Variants in MYRFL observed in about 807,000 individuals in gnomAD.
The protein encoded by MYRFL is myelin regulatory factor like.
MYRFL carries 88 observed loss-of-function variants against 109.4 expected under a neutral mutation model. The ratio of observed to expected loss-of-function variants is 0.80; its 90% CI spans 0.68 to 0.96. MYRFL has a LOEUF of 0.96. Ranked by LOEUF, MYRFL falls within the 40% of genes least tolerant of loss-of-function variation. The pLI is 0.00. For missense variants in MYRFL, 957 were observed against 954.9 expected, an observed-to-expected ratio of 1.00 and a Z score of -0.03; for synonymous variants, 324 against 320.9, an observed-to-expected ratio of 1.01 and a Z score of -0.10.
intron 2 of MYRFL, among the ~76,000 whole-genome samples, chr12:69,855,793 T>G (rs1884241525): frequency 6.6e-6 from 1 of 152,196 alleles, no homozygotes; most frequent in Admixed American, 6.5e-5. Flanking sequence ...CTTTTTTTTT[T>G]TCTTGGTTAA....
In MYRFL at chr12:69,855,324, A is replaced by G. The variant is rs1339772399; in HGVS notation, c.91A>G (p.Ser31Gly). Residue 31 changes from serine (S) to glycine (G), a missense_variant, in exon 2 of 25, where the codon AGT becomes GGT. Ser to Gly is a moderately conservative substitution (Grantham distance 56, BLOSUM62 0). Transcript: ENST00000552032. ...TCTGGAGAACCCAGCCCTGGACACAAGTCTGTTGGAGGAATTTCTGGGCAA... is the reference window on the plus strand; with the variant it reads ...TCTGGAGAACCCAGCCCTGGACACAGGTCTGTTGGAGGAATTTCTGGGCAA... ...GTLENPALDT[S>G]LLEEFLGNDF... is the part of the protein sequence containing the mutation. 1 of 702,738 alleles carries G rather than the reference A, an allele frequency of 1.4e-6. No homozygotes were observed. Among genetic ancestry groups the G allele is most frequent in the Admixed American group, 2.0e-5 (1 of 50,006 alleles). 43.5% of individuals were successfully genotyped at this position (702,738 alleles called of 1,614,324 possible). A position where few individuals can be genotyped will look rare whatever the true frequency, so the allele number is the denominator to read the frequency against.
At chr12:69,849,976 C>T in intron 1 of MYRFL, among the ~76,000 whole-genome samples, 1 of 152,150 alleles carries the variant, frequency 6.6e-6, no homozygotes, top group East Asian at 1.9e-4. Context: ...CATCTTGTAG[C>T]TCCCATAATT....
At chr12:69,945,852 T>G (rs1955817944) in intron 19 of MYRFL, among the ~76,000 whole-genome samples, 3 of 148,720 alleles carry the variant, frequency 2.0e-5, no homozygotes, top group Non-Finnish European at 4.5e-5. Context: ...CCGGGCGTAG[T>G]GGCGGGCGCC....
chr12:69,898,642 A>G (rs1387347391), intron 10 of MYRFL, among the ~76,000 whole-genome samples: 1 of 152,254 alleles, frequency 6.6e-6, no homozygotes, highest in Non-Finnish European at 1.5e-5. Flanking sequence ...CTTAGGAAGG[A>G]ATAGAGACAG....
intron 2 of MYRFL, among the ~76,000 whole-genome samples, chr12:69,870,253 T>C (rs1443290088): frequency 2.1e-5 from 3 of 141,954 alleles, no homozygotes; most frequent in Admixed American, 1.4e-4. Flanking sequence ...TTTTTTGGTA[T>C]CTTTAGTGAA....
At chr12:69,885,463 G>A (rs1041207917) in intron 5 of MYRFL, among the ~76,000 whole-genome samples, 1 of 152,172 alleles carries the variant, frequency 6.6e-6, no homozygotes, top group Admixed American at 6.5e-5. Flanking sequence ...TCTCCAAGCT[G>A]TGGGCTAGGT....
intron 2 of MYRFL, among the ~76,000 whole-genome samples, chr12:69,862,235 C>G (rs1884726610): frequency 2.0e-5 from 3 of 150,408 alleles, no homozygotes; most frequent in South Asian, 2.1e-4. Flanking sequence ...AATGCAGGCT[C>G]TTTTTTGGTT....
At chr12:69,947,044 G>A in intron 19 of MYRFL, 1 of 152,232 alleles carries the variant, frequency 6.6e-6, no homozygotes, top group Non-Finnish European at 1.5e-5. Flanking sequence ...TTCTGCTGCT[G>A]GTTTACTCTT....
intron 16 of MYRFL, among the ~76,000 whole-genome samples, chr12:69,933,062 A>G (rs1955320155): frequency 6.6e-6 from 1 of 152,204 alleles, no homozygotes; most frequent in East Asian, 1.9e-4. Flanking sequence ...TTCAGTGAAG[A>G]CTTTTCACCA....
intron 10 of MYRFL, among the ~76,000 whole-genome samples, chr12:69,898,228 CA>C (rs1954065448): frequency 1.3e-5 from 2 of 152,194 alleles, no homozygotes; most frequent in African/African-American, 4.8e-5. Flanking sequence ...TGTTCTGAAA[CA>C]AAGGGACCTC....
chr12:69,914,571 C>T (rs763726582), intron 13 of MYRFL, among the ~76,000 whole-genome samples: 2 of 152,118 alleles, frequency 1.3e-5, no homozygotes, highest in African/African-American at 2.4e-5. Context: ...CCCTTGTTTC[C>T]AGTATTTTCC....
At chr12:69,831,068 A>G (rs1432058979) in intron 1 of MYRFL, among the ~76,000 whole-genome samples, 1 of 152,192 alleles carries the variant, frequency 6.6e-6, no homozygotes, top group African/African-American at 2.4e-5. Flanking sequence ...ATTTAGTGCT[A>G]ACTGTGTTCA....
chr12:69,928,763 C>T (rs1955178428), intron 15 of MYRFL, among the ~76,000 whole-genome samples: 1 of 152,116 alleles, frequency 6.6e-6, no homozygotes, highest in Non-Finnish European at 1.5e-5. Flanking sequence ...ATTAGGGGAG[C>T]TAAAGCTCTT....
chr12:69,901,918 G>T (rs1954206054), intron 10 of MYRFL, among the ~76,000 whole-genome samples: 1 of 135,636 alleles, frequency 7.4e-6, no homozygotes, highest in South Asian at 2.4e-4. Flanking sequence ...TCTTGAGACA[G>T]AGTATTGCTC....
At chr12:69,832,877 G>T (rs11177889) in intron 1 of MYRFL, among the ~76,000 whole-genome samples, 16,334 of 151,902 alleles carry the variant, frequency 0.11, 1,213 homozygotes, top group Middle Eastern at 0.18. Context: ...TGATGCCTAG[G>T]TGTTGGTGTC....
chr12:69,857,462 C>T (rs1884367227), intron 2 of MYRFL, among the ~76,000 whole-genome samples: 1 of 151,750 alleles, frequency 6.6e-6, no homozygotes, highest in Non-Finnish European at 1.5e-5. Context: ...TTTTATTAAA[C>T]CTAGTGATCT....
At chr12:69,877,314 C>T (rs1267856669) in intron 2 of MYRFL, among the ~76,000 whole-genome samples, 5 of 152,256 alleles carry the variant, frequency 3.3e-5, no homozygotes, top group Non-Finnish European at 7.4e-5. Flanking sequence ...TGAGCCACCG[C>T]GCCAGGCCTC....
chr12:69,958,147 C>T (rs1956134942), intron 23 of MYRFL, 102 bp from the exon 24 acceptor site: 4 of 1,204,292 alleles, frequency 3.3e-6, no homozygotes, highest in Non-Finnish European at 3.5e-6. Context: ...GATCCCAATA[C>T]TTCTCCTACA....
intron 2 of MYRFL, among the ~76,000 whole-genome samples, chr12:69,864,276 G>A (rs1884874003): frequency 6.7e-6 from 1 of 148,862 alleles, no homozygotes; most frequent in African/African-American, 2.4e-5. Context: ...AGAACTCCAA[G>A]AATGCAAATG....
Sources: allele counts gnomAD v4.1 joint callset (sites outside exome capture counted in the v4.1 genomes callset), GRCh38; gene constraint gnomAD v4.1.1; transcripts MANE v1.5; gene names NCBI Gene and HGNC (gene_info 2026-07-23, HGNC 2026-07-21).